Variants in TEX9 observed in about 807,000 individuals in gnomAD.
The protein encoded by TEX9 is testis expressed 9.
In TEX9, 74 loss-of-function variants were observed where a neutral mutation model predicts 59.6. The ratio of observed to expected loss-of-function variants is 1.24; its 90% CI spans 1.03 to 1.51. The LOEUF is 1.51. Ranked by LOEUF, TEX9 falls within the 40% of genes most tolerant of loss-of-function variation. The pLI is 0.00. For synonymous variants in TEX9, 186 were observed against 152.2 expected, an observed-to-expected ratio of 1.22 and a Z score of -1.64; for missense variants, 522 against 447.8, an observed-to-expected ratio of 1.17 and a Z score of -1.49.
At chr15:56,256,810 G>A (rs535007918) in intron 1 of TEX9, among the ~76,000 whole-genome samples, 1 of 152,020 alleles carries the variant, frequency 6.6e-6, no homozygotes, top group Non-Finnish European at 1.5e-5. Flanking sequence ...GGGTACATGC[G>A]CAAGATATAC....
At position 56,272,083 on chromosome 15, in the gene TEX9, G is replaced by A. The variant is rs530005908; in HGVS notation, c.-107+27805G>A. 3.9e-5 allele frequency among the ~76,000 whole-genome samples: 6 copies of A among 152,042 alleles called. No homozygotes were observed. The East Asian group carries it at 5.8e-4, about 15-fold the overall frequency. The stretch of plus-strand genomic sequence containing the variant: ...GGCCGGAACCGGGGAGGCAGAGCTT[G>A]CAGTGAGCTGAGATCGCGCCACTGC... On this transcript the variant is annotated intron_variant, in intron 1 of 5. Coordinates refer to the TEX9 transcript ENST00000560827.
At chr15:56,389,424 TTC>T in intron 6 of TEX9, 24 bp downstream of exon 6, 1 of 1,529,856 alleles carries the variant, frequency 6.5e-7, no homozygotes, top group Non-Finnish European at 9.0e-7. Context: ...TTCAAAGTAT[TTC>T]TTTTTTTTTA....
At chr15:56,415,542 G>C (rs1330852906) in intron 10 of TEX9, among the ~76,000 whole-genome samples, 1 of 151,778 alleles carries the variant, frequency 6.6e-6, no homozygotes, top group South Asian at 2.1e-4. Flanking sequence ...GGTTGTAGAT[G>C]TGCGGCCTTA....
rs1596174468 is a variant in TEX9 at position 56,394,857 on chromosome 15, A to G, written c.828+23A>G. The G allele has an allele frequency of 1.9e-6, 3 of 1,594,140 alleles. No homozygotes were observed. The East Asian group carries it at 6.7e-5, about 36-fold the overall frequency. ...AGGGTAATTATTTGGTATTTTTCCT[A>G]ACTTAATGCCACAGATACAAGAAAA... On this transcript the variant is annotated intron_variant, in intron 9 of 12. Coordinates refer to ENST00000352903, the Ensembl canonical transcript of TEX9.
At chr15:56,258,615 G>A (rs1313195210) in intron 1 of TEX9, among the ~76,000 whole-genome samples, 4 of 151,922 alleles carry the variant, frequency 2.6e-5, no homozygotes, top group Non-Finnish European at 4.4e-5. Flanking sequence ...AGGAATGCTA[G>A]CGATTTTTGC....
At chr15:56,366,413 G>A (rs1171323487) in intron 2 of TEX9, among the ~76,000 whole-genome samples, 2 of 152,064 alleles carry the variant, frequency 1.3e-5, no homozygotes, top group African/African-American at 4.8e-5. Context: ...AACTCTTCCA[G>A]GTTTTCTTTC....
At chr15:56,247,350 A>G (rs2043883741) in intron 1 of TEX9, among the ~76,000 whole-genome samples, 1 of 152,206 alleles carries the variant, frequency 6.6e-6, no homozygotes, top group Non-Finnish European at 1.5e-5. Context: ...AAACATATCC[A>G]CTAGTGTTGT....
chr15:56,327,120 T>C lies in TEX9; in HGVS notation c.-106-46321T>C, dbSNP rs186651100. On this transcript the variant is annotated intron_variant, in intron 1 of 5. Transcript: ENST00000560827. Reference sequence around the variant, plus strand: ...TTTTCCAAATGCATATATACTTGAATATAAATTATTCCTAAAGAAAAATCA... The same window carrying C: ...TTTTCCAAATGCATATATACTTGAACATAAATTATTCCTAAAGAAAAATCA... 7.2e-5 allele frequency among the ~76,000 whole-genome samples: 11 copies of C among 152,350 alleles called. No homozygotes were observed. In the East Asian group the frequency reaches 2.1e-3, roughly 29 times the overall value.
chr15:56,324,441 G>A (rs1019278939), intron 1 of TEX9, among the ~76,000 whole-genome samples: 1 of 152,148 alleles, frequency 6.6e-6, no homozygotes, highest in Non-Finnish European at 1.5e-5. Context: ...CACATAAGTG[G>A]TGTGTAGGAA....
intron 1 of TEX9, among the ~76,000 whole-genome samples, chr15:56,303,774 A>C (rs1323329286): frequency 6.6e-6 from 1 of 152,196 alleles, no homozygotes; most frequent in Non-Finnish European, 1.5e-5. Flanking sequence ...GAATAAGAAA[A>C]GTGAGAAGAC....
At position 56,414,885 on chromosome 15, in the gene TEX9, C is replaced by T. The variant is rs149139575; in HGVS notation, c.963+2449C>T. 1.8e-3 allele frequency among the ~76,000 whole-genome samples: 278 copies of T among 151,950 alleles called. 1 individual carries two copies. The highest frequency in any genetic ancestry group is 5.9e-4 in the Non-Finnish European group (40 of 68,000). The stretch of plus-strand genomic sequence containing the variant: ...GTGTATAAGTGTTCCCTTTTCTCTG[C>T]AACCTCACCAGATCTGTTATTTTTT... On this transcript the variant is annotated intron_variant, in intron 10 of 12. Coordinates refer to ENST00000352903, the Ensembl canonical transcript of TEX9.
the TEX9 span, among the ~76,000 whole-genome samples, chr15:56,459,990 C>CAAA: frequency 2.8e-3 from 31 of 11,110 alleles, 8 homozygotes; most frequent in African/African-American, 3.6e-3. Context: ...AATTCTGTCT[C>CAAA]AAAAAAAAAA....
At chr15:56,269,750 T>G (rs1296769544) in intron 1 of TEX9, among the ~76,000 whole-genome samples, 2 of 151,830 alleles carry the variant, frequency 1.3e-5, no homozygotes, top group African/African-American at 4.8e-5. Flanking sequence ...CCTCCCAGGT[T>G]TTACACCATT....
chr15:56,383,872 G>T, intron 3 of TEX9, 80 bp from the exon 4 acceptor site: 1 of 981,082 alleles, frequency 1.0e-6, no homozygotes, highest in Middle Eastern at 2.4e-4. Context: ...AATGATGAAT[G>T]TTCAGAGAGG....
chr15:56,342,616 G>A (rs1404936255), intron 1 of TEX9, among the ~76,000 whole-genome samples: 1 of 151,726 alleles, frequency 6.6e-6, no homozygotes, highest in Non-Finnish European at 1.5e-5. Flanking sequence ...TTGGCCCAGT[G>A]CAGTGAGTCC....
At chr15:56,443,779 G>C in intron 12 of TEX9, 2 of 1,612,708 alleles carry the variant, frequency 1.2e-6, no homozygotes, top group South Asian at 1.1e-5. Context: ...TTTTTCTCCA[G>C]AGAGCCTGCT....
chr15:56,316,037 T>C lies in TEX9; in HGVS notation c.-106-57404T>C, dbSNP rs1457162638. On this transcript the variant is annotated intron_variant, in intron 1 of 5. Coordinates refer to the TEX9 transcript ENST00000560827. The stretch of plus-strand genomic sequence containing the variant: ...AAGCACTTCTCTGTATTGGTTATTC[T>C]AGTTATACCTTCTTCTAAATTTTTT... 2.0e-5 allele frequency among the ~76,000 whole-genome samples: 3 copies of C among 150,978 alleles called. 1 individual carries two copies. The highest frequency in any genetic ancestry group is 6.7e-5 in the Admixed American group (1 of 14,928).
the TEX9 span, among the ~76,000 whole-genome samples, chr15:56,453,031 TAGTC>T: frequency 1.3e-5 from 2 of 152,230 alleles, no homozygotes; most frequent in African/African-American, 4.8e-5. Flanking sequence ...TATTCTCTAT[TAGTC>T]AGTTATATTT....
chr15:56,260,723 T>C (rs2044246580), intron 1 of TEX9, among the ~76,000 whole-genome samples: 1 of 152,018 alleles, frequency 6.6e-6, no homozygotes, highest in Admixed American at 6.5e-5. Context: ...ATAATATCTT[T>C]GTCATATTTT....
Sources: gnomAD v4.1 joint callset for allele counts (sites outside exome capture counted in the v4.1 genomes callset) on GRCh38, gnomAD v4.1.1 for gene constraint, MANE v1.5 for transcripts, NCBI Gene and HGNC (gene_info 2026-07-23, HGNC 2026-07-21) for gene names.